CEMIP: variants seen among roughly 807,000 people sequenced by gnomAD.
CEMIP encodes cell migration-inducing and hyaluronan-binding protein.
A neutral mutation model predicts 156.9 loss-of-function variants in CEMIP; 105 were observed. The observed-to-expected ratio is 0.67, with a 90% CI of 0.57 to 0.79. CEMIP has a LOEUF of 0.79. Among genes scored for constraint, CEMIP ranks in the 30% least tolerant of loss-of-function variants. The pLI, the probability that CEMIP is intolerant of heterozygous loss-of-function variation, is 0.00. For synonymous variants in CEMIP, 676 were observed against 668.4 expected, an observed-to-expected ratio of 1.01 and a Z score of -0.17; for missense variants, 1,457 against 1,769.4, an observed-to-expected ratio of 0.82 and a Z score of 3.17.
At chr15:80,900,380 T>C (rs191331325) in intron 12 of CEMIP, among the ~76,000 whole-genome samples, 2 of 152,222 alleles carry the variant, frequency 1.3e-5, no homozygotes, top group Admixed American at 1.3e-4. Context: ...GTGGAGAAGA[T>C]CCTGCGCCCA....
chr15:80,939,331 C>A (rs1901253092), intron 25 of CEMIP, among the ~76,000 whole-genome samples: 1 of 152,192 alleles, frequency 6.6e-6, no homozygotes, highest in African/African-American at 2.4e-5. Context: ...ACACTCTCTT[C>A]CCATGGGAAG....
At chr15:80,882,933 G>A (rs912743541) in intron 6 of CEMIP, among the ~76,000 whole-genome samples, 3 of 152,100 alleles carry the variant, frequency 2.0e-5, no homozygotes, top group African/African-American at 7.2e-5. Context: ...GGCGGGTGAG[G>A]TGGTCACTGG....
chr15:80,931,899 A>G lies in CEMIP; in HGVS notation c.2653A>G (p.Ile885Val), dbSNP rs371951780. The change falls in exon 22 of 30, where the codon ATC (isoleucine) becomes GTC (valine). Residue 885 changes from isoleucine (I) to valine (V), a missense_variant. This residue lies in a region of CEMIP where 798 missense variants were observed against 980.1 expected (regional missense o/e 0.81). Coordinates refer to ENST00000394685, the MANE Select transcript of CEMIP (RefSeq NM_001293298.2). ...IRGIQLYDGP[I>V]NIQNCTFRKF... ...AGGAATTCAGTTATATGATGGCCCC[A>G]TCAACATCCAAAACTGCACTTTCCG... 8 of 1,614,110 alleles carry G rather than the reference A, an allele frequency of 5.0e-6. No individual in the cohort carries two copies. In the African/African-American group the frequency reaches 9.3e-5, roughly 19 times the overall value.
At chr15:80,819,292 G>A (rs1327678998) in intron 1 of CEMIP, among the ~76,000 whole-genome samples, 1 of 152,198 alleles carries the variant, frequency 6.6e-6, no homozygotes, top group African/African-American at 2.4e-5. Flanking sequence ...CCATGGAGAG[G>A]CACAGGATTT....
chr15:80,811,226 A>T (rs893246183), intron 1 of CEMIP, among the ~76,000 whole-genome samples: 3 of 152,208 alleles, frequency 2.0e-5, no homozygotes, highest in Non-Finnish European at 4.4e-5. Flanking sequence ...GGAAATGGTG[A>T]AAAAAGGTAT....
chr15:80,840,759 GA>G (rs1897391926), intron 1 of CEMIP, among the ~76,000 whole-genome samples: 2 of 152,316 alleles, frequency 1.3e-5, no homozygotes, highest in South Asian at 4.1e-4. Context: ...ACTGCCGCCT[GA>G]GAGGGAGTCC....
At chr15:80,865,171 ATTTTTTAT>A (rs1171786220) in intron 1 of CEMIP, among the ~76,000 whole-genome samples, 1 of 152,036 alleles carries the variant, frequency 6.6e-6, no homozygotes, top group Non-Finnish European at 1.5e-5. Context: ...GAGGAACTAA[ATTTTTTAT>A]TTTTTTATTT....
intron 6 of CEMIP, 55 bp from the exon 7 acceptor site, chr15:80,884,120 C>A (rs1898753945): frequency 6.4e-7 from 1 of 1,574,596 alleles, no homozygotes; most frequent in Non-Finnish European, 8.7e-7. Flanking sequence ...GCTTAGAGCT[C>A]TTTGTTTTGG....
chr15:80,941,797 G>C (rs1901345633), intron 25 of CEMIP, 52 bp from the exon 26 acceptor site: 2 of 1,524,002 alleles, frequency 1.3e-6, no homozygotes, highest in Non-Finnish European at 1.8e-6. Flanking sequence ...GGGAGGAGAA[G>C]AGGGAGGTTT....
intron 22 of CEMIP, among the ~76,000 whole-genome samples, 160 bp from the exon 23 acceptor site, chr15:80,933,085 C>T (rs1015703683): frequency 3.3e-5 from 5 of 152,160 alleles, no homozygotes; most frequent in Admixed American, 3.3e-4. Flanking sequence ...CCGGTTGCAT[C>T]GGAGGGGTCA....
At chr15:80,945,358 G>A (rs566970623) in intron 28 of CEMIP, among the ~76,000 whole-genome samples, 28 of 152,238 alleles carry the variant, frequency 1.8e-4, no homozygotes, top group Non-Finnish European at 3.5e-4. Context: ...CCCATCAGGA[G>A]GGCAAGACCT....
intron 14 of CEMIP, 88 bp downstream of exon 14, chr15:80,909,394 A>G: frequency 7.4e-7 from 1 of 1,353,076 alleles, no homozygotes; most frequent in Non-Finnish European, 1.1e-6. Context: ...CACTTAATCC[A>G]GGGCCTTTGG....
At chr15:80,801,792 C>G (rs903144484) in intron 1 of CEMIP, among the ~76,000 whole-genome samples, 1 of 152,150 alleles carries the variant, frequency 6.6e-6, no homozygotes, top group African/African-American at 2.4e-5. Context: ...CAATTGCAAA[C>G]TGAAAATATT....
chr15:80,787,777 C>T (rs1895977176), intron 1 of CEMIP, among the ~76,000 whole-genome samples: 1 of 152,234 alleles, frequency 6.6e-6, no homozygotes, highest in Non-Finnish European at 1.5e-5. Flanking sequence ...TCCACTTGTA[C>T]ACAGTGGCTG....
chr15:80,896,291 G>A (rs1402634226), intron 12 of CEMIP: 1 of 674,534 alleles, frequency 1.5e-6, no homozygotes, highest in Admixed American at 2.0e-5. Flanking sequence ...TGAGAGTTGG[G>A]TTCAAGTCAC....
intron 1 of CEMIP, among the ~76,000 whole-genome samples, chr15:80,837,281 C>T (rs1426528415): frequency 6.6e-6 from 1 of 152,002 alleles, no homozygotes; most frequent in African/African-American, 2.4e-5. Flanking sequence ...GATAGACAGA[C>T]AGATGGATAT....
At chr15:80,822,103 A>C (rs1421047780) in intron 1 of CEMIP, among the ~76,000 whole-genome samples, 1 of 152,206 alleles carries the variant, frequency 6.6e-6, no homozygotes, top group Non-Finnish European at 1.5e-5. Context: ...ACAGCCCCTG[A>C]AGCCATTGTA....
intron 15 of CEMIP, 75 bp from the exon 16 acceptor site, chr15:80,920,957 C>G: frequency 3.2e-6 from 4 of 1,255,264 alleles, no homozygotes; most frequent in Non-Finnish European, 4.7e-6. Context: ...GAGTGCCCAA[C>G]CTGCACCTGC....
chr15:80,837,640 T>C (rs574692297), intron 1 of CEMIP, among the ~76,000 whole-genome samples: 1 of 152,334 alleles, frequency 6.6e-6, no homozygotes, highest in African/African-American at 2.4e-5. Context: ...TATCTGATGA[T>C]ATTTTCCTTC....
Sources: gnomAD v4.1 joint callset for allele counts (sites outside exome capture counted in the v4.1 genomes callset) on GRCh38, gnomAD v4.1.1 for gene constraint, gnomAD v4.1.1 regional missense constraint, MANE v1.5 for transcripts, NCBI Gene and HGNC (gene_info 2026-07-23, HGNC 2026-07-21) for gene names.